TBC1D8: variants seen among roughly 807,000 people sequenced by gnomAD.
TBC1D8 encodes the protein BUB2-like protein 1.
TBC1D8 carries 65 observed loss-of-function variants against 118.8 expected under a neutral mutation model. The observed-to-expected ratio is 0.55, with a 90% confidence interval of 0.45 to 0.67. The LOEUF (loss-of-function observed/expected upper bound fraction) is 0.67. Ranked by LOEUF, TBC1D8 falls within the 30% of genes least tolerant of loss-of-function variation. TBC1D8 has a pLI of 0.00. For synonymous variants in TBC1D8, 566 were observed against 595.8 expected (o/e 0.95, Z 0.73); for missense variants, 1,376 against 1,471.2 (o/e 0.94, Z 1.06).
intron 4 of TBC1D8, 34 bp from the exon 5 acceptor site, chr2:101,050,675 C>A: frequency 6.3e-7 from 1 of 1,597,588 alleles, no homozygotes; most frequent in South Asian, 1.1e-5. Flanking sequence ...CCTATTATGC[C>A]ATGAAATTTG....
chr2:101,091,743 G>T (rs555876841), intron 1 of TBC1D8, among the ~76,000 whole-genome samples: 1 of 152,276 alleles, frequency 6.6e-6, no homozygotes, highest in South Asian at 2.1e-4. Flanking sequence ...AAGGCATCCT[G>T]ATCCTTGATT....
Position 101,040,196 on chromosome 2 carries a change from G to A in TBC1D8, c.1062C>T (p.Ile354=). 1 of 1,613,968 alleles carries A rather than the reference G, an allele frequency of 6.2e-7. No individual in the cohort carries two copies. Among genetic ancestry groups the A allele is most frequent in the Non-Finnish European group, 8.5e-7 (1 of 1,179,876 alleles). ...FASREDGCCK[I]ILPLREVVSI... Reference sequence around the variant, plus strand: ...AGTCTACCTCTCTGAGTGGCAGGATGATCTTACAGCAGCCATCTTCTCTGC... The same window carrying A: ...AGTCTACCTCTCTGAGTGGCAGGATAATCTTACAGCAGCCATCTTCTCTGC... The change falls in exon 6 of 20, where the codon ATC becomes ATT. Residue 354 remains isoleucine, a synonymous_variant. Coordinates refer to ENST00000409318, the MANE Select transcript of TBC1D8 (RefSeq NM_001330348.2).
intron 2 of TBC1D8, among the ~76,000 whole-genome samples, chr2:101,076,611 A>G (rs1011706976): frequency 6.6e-6 from 1 of 152,268 alleles, no homozygotes; most frequent in Non-Finnish European, 1.5e-5. Flanking sequence ...GATATTCCAC[A>G]TAAAAATTGG....
chr2:101,038,415 C>G, intron 7 of TBC1D8, 46 bp downstream of exon 7: 3 of 1,593,736 alleles, frequency 1.9e-6, no homozygotes, highest in Non-Finnish European at 2.6e-6. Flanking sequence ...GAGACCACGG[C>G]CTGAGACATG....
intron 1 of TBC1D8, among the ~76,000 whole-genome samples, chr2:101,131,823 GA>G (rs931442638): frequency 6.6e-6 from 1 of 151,322 alleles, no homozygotes; most frequent in Non-Finnish European, 1.5e-5. Flanking sequence ...TCAAAAAAAA[GA>G]AAAAAAACAA....
chr2:101,078,738 A>G (rs1436050919), intron 2 of TBC1D8, among the ~76,000 whole-genome samples: 17 of 146,934 alleles, frequency 1.2e-4, no homozygotes, highest in Admixed American at 7.7e-4. Flanking sequence ...GAAAGAAAAG[A>G]AAAACCTTTC....
At position 101,123,703 on chromosome 2, in the gene TBC1D8, A is replaced by G. The variant is rs185902762; in HGVS notation, c.127+27424T>C. On this transcript the variant is annotated intron_variant, in intron 1 of 19. Transcript: ENST00000409318. The stretch of plus-strand genomic sequence containing the variant: ...TGTCACAGATATAGGTCTACCTTAC[A>G]AAAAGAGAGGAGTCAGTTGTTCGCT... Among the ~76,000 whole-genome samples the G allele has an allele frequency of 8.8e-4, 134 of 152,340 alleles. 1 individual carries two copies. Among genetic ancestry groups the G allele is most frequent in the African/African-American group, 3.2e-3 (131 of 41,574 alleles).
At chr2:101,120,560 G>A (rs186273555) in intron 1 of TBC1D8, among the ~76,000 whole-genome samples, 1 of 152,314 alleles carries the variant, frequency 6.6e-6, no homozygotes, top group East Asian at 1.9e-4. Flanking sequence ...AATCTGCCTA[G>A]GAAAACATAA....
At chr2:101,138,602 C>G (rs1413805101) in intron 1 of TBC1D8, among the ~76,000 whole-genome samples, 6 of 152,176 alleles carry the variant, frequency 3.9e-5, no homozygotes, top group Admixed American at 3.9e-4. Context: ...GGATGGCTCA[C>G]AGAAACACAT....
At chr2:101,124,257 C>T (rs1379924239) in intron 1 of TBC1D8, among the ~76,000 whole-genome samples, 1 of 152,214 alleles carries the variant, frequency 6.6e-6, no homozygotes, top group Non-Finnish European at 1.5e-5. Flanking sequence ...TTCAAACCTT[C>T]TCTCTTTCTG....
At chr2:101,139,173 G>A (rs1678989783) in intron 1 of TBC1D8, among the ~76,000 whole-genome samples, 1 of 151,864 alleles carries the variant, frequency 6.6e-6, no homozygotes, top group Admixed American at 6.6e-5. Context: ...TCACTTGGAT[G>A]AGGTGAACTA....
intron 1 of TBC1D8, among the ~76,000 whole-genome samples, chr2:101,105,669 A>G (rs538524956): frequency 6.6e-6 from 1 of 152,130 alleles, no homozygotes; most frequent in Admixed American, 6.5e-5. Context: ...AATTAAAACA[A>G]GATACCATTA....
intron 4 of TBC1D8, 73 bp downstream of exon 4, chr2:101,054,035 G>A (rs780974165): frequency 8.8e-6 from 12 of 1,359,178 alleles, no homozygotes; most frequent in East Asian, 5.0e-5. Context: ...TCCTGTTAAC[G>A]GCCCTTCCTG....
chr2:101,011,520 C>A lies in TBC1D8; in HGVS notation c.2848G>T (p.Asp950Tyr), dbSNP rs903309520. ...GGATTCCTCAACGGCGACTGGCTGT[C>A]TCGGTCATTTTCAGTGAGTGCTTAA... is the stretch of plus-strand genomic sequence containing the variant. ...IPPALTENDRDSQSPLRNPLL... is the reference protein window; with the variant it reads ...IPPALTENDRYSQSPLRNPLL... The change falls in exon 18 of 20, where the codon GAC becomes TAC. Residue 950 changes from aspartate to tyrosine, a missense_variant. Physicochemically the swap from Asp to Tyr is radical, Grantham distance 160. Transcript: ENST00000409318. The A allele has an allele frequency of 1.2e-6, 2 of 1,613,850 alleles. No individual in the cohort carries two copies. Among genetic ancestry groups the A allele is most frequent in the African/African-American group, 2.7e-5 (2 of 74,906 alleles).
At chr2:101,121,238 GGTT>G (rs1443652272) in intron 1 of TBC1D8, among the ~76,000 whole-genome samples, 1 of 152,218 alleles carries the variant, frequency 6.6e-6, no homozygotes, top group Non-Finnish European at 1.5e-5. Flanking sequence ...TCCTTTATAA[GGTT>G]GTTATCAGCT....
chr2:101,015,765 G>A (rs936699296), intron 17 of TBC1D8, among the ~76,000 whole-genome samples: 4 of 152,262 alleles, frequency 2.6e-5, no homozygotes, highest in Middle Eastern at 3.4e-3. Flanking sequence ...CAGAAACAAC[G>A]CCGCATATCC....
In TBC1D8 at chr2:101,059,570, T is replaced by TA. The variant is rs199984463; in HGVS notation, c.284-32dup. ...TTCAAACAGAAAAAGATACAGAGAT[T>TA]AAAAAATGCAATAGAAGTAATTCCT... is the stretch of plus-strand genomic sequence containing the variant. On this transcript the variant is annotated intron_variant, in intron 2 of 19. Coordinates refer to ENST00000409318, the MANE Select transcript of TBC1D8 (RefSeq NM_001330348.2). The TA allele has an allele frequency of 2.3e-4, 342 of 1,519,212 alleles. 2 individuals carry two copies. The East Asian group carries it at 7.6e-3, about 34-fold the overall frequency. The allele number at this position is 1,519,212 out of a possible 1,614,324, so 94.1% of individuals were successfully genotyped here. A position where few individuals can be genotyped will look rare whatever the true frequency, so the allele number is the denominator to read the frequency against.
intron 1 of TBC1D8, among the ~76,000 whole-genome samples, chr2:101,140,151 C>A (rs993056169): frequency 1.3e-5 from 2 of 152,058 alleles, no homozygotes; most frequent in African/African-American, 4.8e-5. Flanking sequence ...TAAACTGAGA[C>A]CCTACAAAGA....
At chr2:101,082,960 C>T (rs1675364215) in intron 2 of TBC1D8, among the ~76,000 whole-genome samples, 1 of 152,154 alleles carries the variant, frequency 6.6e-6, no homozygotes, top group Non-Finnish European at 1.5e-5. Context: ...ACAATACAAA[C>T]ATTTGTTTTT....
Sources: allele counts gnomAD v4.1 joint callset (sites outside exome capture counted in the v4.1 genomes callset), GRCh38; gene constraint gnomAD v4.1.1; transcripts MANE v1.5; gene names NCBI Gene and HGNC (gene_info 2026-07-23, HGNC 2026-07-21).